Variants in PCDH9 observed in about 807,000 individuals in gnomAD.
PCDH9 encodes protocadherin-9.
Under a neutral mutation model 70.6 loss-of-function variants are expected in PCDH9, and 24 were observed. The ratio of observed to expected loss-of-function variants is 0.34; its 90% confidence interval spans 0.25 to 0.48. The LOEUF is 0.48. PCDH9 is among the 20% of genes least tolerant of loss of function. PCDH9 has a pLI of 0.99. For synonymous variants in PCDH9, 562 were observed against 558.5 expected, an observed-to-expected ratio of 1.01 and a Z score of -0.09; for missense variants, 1,281 against 1,503.6, an observed-to-expected ratio of 0.85 and a Z score of 2.45.
At chr13:66,980,718 G>GTTTTTT (rs1053928621) in intron 2 of PCDH9, among the ~76,000 whole-genome samples, 2 of 32,326 alleles carry the variant, frequency 6.2e-5, no homozygotes, top group African/African-American at 2.5e-4. Context: ...GTTTTTTCCT[G>GTTTTTT]TTTTTTTCTT....
intron 2 of PCDH9, among the ~76,000 whole-genome samples, chr13:67,005,954 C>G (rs933106358): frequency 1.3e-5 from 2 of 152,128 alleles, no homozygotes; most frequent in African/African-American, 2.4e-5. Flanking sequence ...AGGCCAGGCG[C>G]GGCGGCTCAC....
intron 2 of PCDH9, among the ~76,000 whole-genome samples, chr13:67,016,396 T>C (rs1330855536): frequency 6.6e-6 from 1 of 152,166 alleles, no homozygotes; most frequent in Non-Finnish European, 1.5e-5. Flanking sequence ...ACAAATGAGA[T>C]AATGTCCGTA....
chr13:67,091,168 C>A (rs1373022216), intron 2 of PCDH9, among the ~76,000 whole-genome samples: 1 of 151,978 alleles, frequency 6.6e-6, no homozygotes, highest in Admixed American at 6.6e-5. Flanking sequence ...TGTTTGAACT[C>A]AAGTATTAAT....
intron 2 of PCDH9, among the ~76,000 whole-genome samples, chr13:67,197,267 C>G (rs1356825259): frequency 6.6e-6 from 1 of 151,796 alleles, no homozygotes; most frequent in South Asian, 2.1e-4. Flanking sequence ...TGCATTCATT[C>G]CTATGGCAAA....
chr13:66,564,173 T>A (rs980363756), intron 4 of PCDH9, among the ~76,000 whole-genome samples: 1 of 147,586 alleles, frequency 6.8e-6, no homozygotes, highest in African/African-American at 2.6e-5. Context: ...GAAATTTTGA[T>A]TTTTTTTTTA....
At chr13:66,507,410 A>G (rs1959239426) in intron 4 of PCDH9, among the ~76,000 whole-genome samples, 1 of 152,170 alleles carries the variant, frequency 6.6e-6, no homozygotes, top group Non-Finnish European at 1.5e-5. Flanking sequence ...TTTACAGGGA[A>G]GAAGAGGTGA....
chr13:67,202,941 T>C (rs2089252497), intron 2 of PCDH9: 1 of 152,102 alleles, frequency 6.6e-6, no homozygotes, highest in African/African-American at 2.4e-5. Flanking sequence ...AGGTAACACG[T>C]GATTGCCAAA....
intron 3 of PCDH9, among the ~76,000 whole-genome samples, chr13:66,867,277 T>G (rs1291422538): frequency 1.3e-5 from 2 of 152,158 alleles, no homozygotes; most frequent in Admixed American, 1.3e-4. Context: ...ATCTAAGGAT[T>G]ATTAATGTTC....
At chr13:67,079,115 C>A (rs562465897) in intron 2 of PCDH9, among the ~76,000 whole-genome samples, 1 of 151,932 alleles carries the variant, frequency 6.6e-6, no homozygotes, top group East Asian at 1.9e-4. Flanking sequence ...TGAGACCAGC[C>A]TGAACAACAT....
At chr13:66,793,182 C>T (rs184592200) in intron 3 of PCDH9, among the ~76,000 whole-genome samples, 1 of 151,670 alleles carries the variant, frequency 6.6e-6, no homozygotes, top group Admixed American at 6.6e-5. Context: ...AGATGTAAAA[C>T]CTGGGCCTAC....
chr13:66,689,808 G>T (rs1381049417), intron 3 of PCDH9, among the ~76,000 whole-genome samples: 1 of 152,100 alleles, frequency 6.6e-6, no homozygotes, highest in Non-Finnish European at 1.5e-5. Flanking sequence ...GCTGTCCCTG[G>T]TCTGCAGATG....
chr13:67,168,805 C>A (rs112762012), intron 2 of PCDH9, among the ~76,000 whole-genome samples: 1 of 152,140 alleles, frequency 6.6e-6, no homozygotes, highest in Non-Finnish European at 1.5e-5. Context: ...CAATTACAAT[C>A]ATTTAATGGT....
intron 4 of PCDH9, among the ~76,000 whole-genome samples, chr13:66,554,986 A>C (rs902006588): frequency 6.6e-6 from 1 of 152,120 alleles, no homozygotes; most frequent in African/African-American, 2.4e-5. Context: ...CCTGACCAAC[A>C]TGGAGAAACC....
intron 2 of PCDH9, among the ~76,000 whole-genome samples, chr13:66,968,565 A>T (rs185691257): frequency 9.2e-5 from 14 of 152,032 alleles, no homozygotes; most frequent in Non-Finnish European, 2.1e-4. Flanking sequence ...CTGATGGCAC[A>T]GGTATATTGT....
chr13:67,078,120 C>T (rs765484280), intron 2 of PCDH9, among the ~76,000 whole-genome samples: 19 of 152,152 alleles, frequency 1.2e-4, no homozygotes, highest in South Asian at 8.3e-4. Context: ...AAATTTCCTT[C>T]AAACCTGTTG....
intron 4 of PCDH9, among the ~76,000 whole-genome samples, chr13:66,407,118 A>G (rs1409273129): frequency 6.6e-6 from 1 of 152,210 alleles, no homozygotes; most frequent in Non-Finnish European, 1.5e-5. Flanking sequence ...TCTCCACTGG[A>G]GCAATGTCCT....
At chr13:66,858,345 C>G (rs745824644) in intron 3 of PCDH9, among the ~76,000 whole-genome samples, 5 of 152,066 alleles carry the variant, frequency 3.3e-5, no homozygotes, top group African/African-American at 1.2e-4. Flanking sequence ...GCTTAAATTA[C>G]GTCATTGTTC....
chr13:66,798,566 GGAGTTAT>G (rs1467073389), intron 3 of PCDH9, among the ~76,000 whole-genome samples: 1 of 152,144 alleles, frequency 6.6e-6, no homozygotes, highest in Non-Finnish European at 1.5e-5. Context: ...TGGCAATAGA[GGAGTTAT>G]CCTGGAGGAA....
chr13:66,852,697 G>GGC (rs1566241777), intron 3 of PCDH9, among the ~76,000 whole-genome samples: 1 of 152,132 alleles, frequency 6.6e-6, no homozygotes, highest in African/African-American at 2.4e-5. Flanking sequence ...TGGCATATTT[G>GGC]TAAGTAAAGT....
Sources: allele counts gnomAD v4.1 joint callset (sites outside exome capture counted in the v4.1 genomes callset), GRCh38; gene constraint gnomAD v4.1.1; transcripts MANE v1.5; gene names NCBI Gene and HGNC (gene_info 2026-07-23, HGNC 2026-07-21).